Variants in SWT1 observed in about 807,000 individuals in gnomAD.
SWT1 encodes transcriptional protein SWT1.
In SWT1, 33 loss-of-function variants were observed where a neutral mutation model predicts 107.3. The ratio of observed to expected loss-of-function variants is 0.31; its 90% confidence interval spans 0.23 to 0.41. The LOEUF (loss-of-function observed/expected upper bound fraction) is 0.41, where lower values mean the gene tolerates loss of function less well. Ranked by LOEUF, SWT1 falls within the 10% of genes least tolerant of loss-of-function variation. SWT1 has a pLI of 1.00. For missense variants in SWT1, 898 were observed against 1,028.9 expected (o/e 0.87, Z 1.74); for synonymous variants, 345 against 348.3 (o/e 0.99, Z 0.11).
At chr1:185,192,020 G>A (rs1235275399) in intron 10 of SWT1, among the ~76,000 whole-genome samples, 1 of 151,986 alleles carries the variant, frequency 6.6e-6, no homozygotes, top group Non-Finnish European at 1.5e-5. Flanking sequence ...TATTGTATAA[G>A]TCATACCTAC....
intron 12 of SWT1, 46 bp downstream of exon 12, chr1:185,204,909 G>A (rs1367937493): frequency 5.1e-6 from 6 of 1,169,704 alleles, no homozygotes; most frequent in Non-Finnish European, 7.1e-6. Context: ...TTTTATTGCT[G>A]AAGATTTGTT....
chr1:185,163,179 AGATT>A (rs1473028470), intron 2 of SWT1, among the ~76,000 whole-genome samples: 2 of 152,098 alleles, frequency 1.3e-5, no homozygotes, highest in African/African-American at 2.4e-5. Context: ...CTTTCACAAA[AGATT>A]GATCTCTGTA....
At chr1:185,290,449 T>C (rs1369778970) in intron 18 of SWT1, among the ~76,000 whole-genome samples, 1 of 152,132 alleles carries the variant, frequency 6.6e-6, no homozygotes, top group Non-Finnish European at 1.5e-5. Flanking sequence ...TTTAAAAATG[T>C]AGATTTTACA....
chr1:185,275,302 G>A (rs1180532057), intron 17 of SWT1, among the ~76,000 whole-genome samples: 4 of 151,650 alleles, frequency 2.6e-5, no homozygotes, highest in African/African-American at 9.7e-5. Context: ...CTTAGGAGAA[G>A]GCAGAACATG....
intron 5 of SWT1, among the ~76,000 whole-genome samples, chr1:185,178,999 A>G (rs550774591): frequency 6.6e-6 from 1 of 152,158 alleles, no homozygotes; most frequent in Non-Finnish European, 1.5e-5. Flanking sequence ...GTGTGGGCGC[A>G]GTGGCTCGTG....
intron 15 of SWT1, among the ~76,000 whole-genome samples, chr1:185,229,546 G>A (rs983386582): frequency 5.9e-5 from 9 of 151,488 alleles, no homozygotes; most frequent in African/African-American, 2.2e-4. Flanking sequence ...CTAGTATATA[G>A]TACTTTGATT....
At chr1:185,177,066 A>G (rs2102357227) in intron 5 of SWT1, 1 of 982,312 alleles carries the variant, frequency 1.0e-6, no homozygotes, top group East Asian at 1.1e-4. Context: ...TAAGGAGGCC[A>G]GAAGAGCTTG....
At chr1:185,222,739 G>A (rs963690233) in intron 15 of SWT1, among the ~76,000 whole-genome samples, 8 of 141,940 alleles carry the variant, frequency 5.6e-5, no homozygotes, top group Non-Finnish European at 9.0e-5. Context: ...CTCCAGCCTG[G>A]GTGACAAAGC....
At chr1:185,270,304 C>CA (rs1663763909) in intron 16 of SWT1, among the ~76,000 whole-genome samples, 1 of 143,664 alleles carries the variant, frequency 7.0e-6, no homozygotes, top group African/African-American at 2.6e-5. Context: ...TTTTTTTTTC[C>CA]AAAAGAAAAA....
At chr1:185,207,422 G>A (rs1478280854) in intron 13 of SWT1, among the ~76,000 whole-genome samples, 1 of 152,162 alleles carries the variant, frequency 6.6e-6, no homozygotes, top group African/African-American at 2.4e-5. Context: ...TTTAGCCAGA[G>A]CAGCTTTTAA....
intron 15 of SWT1, chr1:185,227,472 G>T: frequency 1.7e-6 from 1 of 586,786 alleles, no homozygotes; most frequent in South Asian, 1.6e-5. Flanking sequence ...CATATGCTGT[G>T]CAGACTATCA....
chr1:185,280,160 T>C (rs1164358973), intron 18 of SWT1, among the ~76,000 whole-genome samples: 2 of 152,092 alleles, frequency 1.3e-5, no homozygotes, highest in Non-Finnish European at 2.9e-5. Flanking sequence ...AGAGTTCTCA[T>C]TGAAATCTGA....
Position 185,202,560 on chromosome 1 carries a change from C to T in SWT1, c.1524-94C>T, listed in dbSNP as rs113358737. The T allele has an allele frequency of 2.1e-5, 22 of 1,059,806 alleles. 1 individual carries two copies. Among genetic ancestry groups the T allele is most frequent in the African/African-American group, 1.8e-4 (11 of 60,982 alleles). The allele number at this position is 1,059,806 out of a possible 1,614,324, so 65.7% of individuals were successfully genotyped here. A position where few individuals can be genotyped will look rare whatever the true frequency, so the allele number is the denominator to read the frequency against. On this transcript the variant is annotated intron_variant, in intron 10 of 18. Coordinates refer to ENST00000367500, the MANE Select transcript of SWT1 (RefSeq NM_017673.7). ...TCTTAAGGTATAGGCTGAGAATCAC[C>T]TGCCTCTGACTAGATCTCATGTGTT...
chr1:185,219,638 A>G (rs914372079), intron 14 of SWT1, among the ~76,000 whole-genome samples: 2 of 152,196 alleles, frequency 1.3e-5, no homozygotes. Context: ...TTAAACTTAT[A>G]GTTAAAATTT....
chr1:185,252,724 T>C (rs549823288), intron 16 of SWT1, among the ~76,000 whole-genome samples: 1 of 152,320 alleles, frequency 6.6e-6, no homozygotes, highest in Non-Finnish European at 1.5e-5. Flanking sequence ...TTCTCCCATT[T>C]TGTAGGTTGC....
At chr1:185,215,964 T>C (rs1252681088) in intron 14 of SWT1, among the ~76,000 whole-genome samples, 2 of 152,082 alleles carry the variant, frequency 1.3e-5, no homozygotes, top group African/African-American at 4.8e-5. Context: ...TATTATGTTC[T>C]CTTTTTTCTC....
Position 185,259,375 on chromosome 1 carries a change from G to T in SWT1, c.2442-11948G>T, listed in dbSNP as rs972937930. Among the ~76,000 whole-genome samples the T allele has an allele frequency of 2.6e-5, 4 of 152,226 alleles. No homozygotes were observed. In the South Asian group the frequency reaches 8.3e-4, roughly 32 times the overall value. ...GAATAAATAGAGAGGAAGAAACTAC[G>T]TGGTCATTTGAATCTTCATACCATA... is the stretch of plus-strand genomic sequence containing the variant. On this transcript the variant is annotated intron_variant, in intron 16 of 18. Transcript: ENST00000367500.
intron 18 of SWT1, among the ~76,000 whole-genome samples, chr1:185,282,395 A>G (rs1664687969): frequency 6.6e-6 from 1 of 151,724 alleles, no homozygotes; most frequent in South Asian, 2.1e-4. Flanking sequence ...AAAATCCCTG[A>G]ACTACCAGGT....
At chr1:185,211,945 C>T (rs1470975740) in intron 13 of SWT1, among the ~76,000 whole-genome samples, 1 of 152,080 alleles carries the variant, frequency 6.6e-6, no homozygotes, top group African/African-American at 2.4e-5. Context: ...TCTCAGCAAA[C>T]TATCGCAAGG....
Sources: gnomAD v4.1 joint callset for allele counts (sites outside exome capture counted in the v4.1 genomes callset) on GRCh38, gnomAD v4.1.1 for gene constraint, MANE v1.5 for transcripts, NCBI Gene and HGNC (gene_info 2026-07-23, HGNC 2026-07-21) for gene names.